Variants in PIEZO2 observed in about 807,000 individuals in gnomAD.
PIEZO2 encodes piezo-type mechanosensitive ion channel component 2.
A neutral mutation model predicts 337.3 loss-of-function variants in PIEZO2; 172 were observed. That is an observed-to-expected ratio of 0.51 (90% CI 0.45 to 0.58). The LOEUF (loss-of-function observed/expected upper bound fraction) is 0.58, where lower values mean the gene tolerates loss of function less well. Among genes scored for constraint, PIEZO2 ranks in the 20% least tolerant of loss-of-function variants. The pLI is 0.00. For synonymous variants in PIEZO2, 1,251 were observed against 1,228.5 expected, an observed-to-expected ratio of 1.02 and a Z score of -0.38; for missense variants, 3,028 against 3,391.3, an observed-to-expected ratio of 0.89 and a Z score of 2.66.
At chr18:10,927,913 G>T (rs958157092) in intron 3 of PIEZO2, among the ~76,000 whole-genome samples, 2 of 151,936 alleles carry the variant, frequency 1.3e-5, no homozygotes, top group Non-Finnish European at 2.9e-5. Context: ...CATTTTTAGG[G>T]GAATAAAATG....
At position 11,097,396 on chromosome 18, in the gene PIEZO2, C is replaced by T. The variant is rs201477379; in HGVS notation, c.65-31174G>A. ...GCAACAGAGCCGGCGTGCTGTGCAA[C>T]GCCTGACTCATTAACTGCCCGGCCC... On this transcript the variant is annotated intron_variant, in intron 1 of 55. Coordinates refer to ENST00000674853, the MANE Select transcript of PIEZO2 (RefSeq NM_001378183.1). The surrounding 1 kb of genome is among the most constrained non-coding windows in gnomAD (Gnocchi z 5.0). Among the ~76,000 whole-genome samples the T allele has an allele frequency of 9.2e-5, 14 of 152,308 alleles. No individual in the cohort carries two copies. In the East Asian group the frequency reaches 1.5e-3, roughly 17 times the overall value.
At chr18:10,852,979 A>C (rs1292386433) in intron 7 of PIEZO2, among the ~76,000 whole-genome samples, 2 of 152,328 alleles carry the variant, frequency 1.3e-5, no homozygotes, top group East Asian at 1.9e-4. Context: ...CAGAAAAAAA[A>C]CAAAACTGGT....
At position 10,871,562 on chromosome 18, in the gene PIEZO2, T is replaced by C. The variant is rs895860989; in HGVS notation, c.330-147A>G. ...CTAAAAGGTACAAGAAAGCTTTTTA[T>C]TGACCTCAGTGTCTCACAAAATCTA... On this transcript the variant is annotated intron_variant, in intron 4 of 55. Transcript: ENST00000674853. 2.0e-5 allele frequency: 14 copies of C among 694,818 alleles called. No homozygotes were observed. The African/African-American group carries it at 2.6e-4, about 13-fold the overall frequency. 43.0% of individuals were successfully genotyped at this position (694,818 alleles called of 1,614,324 possible).
chr18:10,804,903 C>G (rs1223279321), intron 8 of PIEZO2, among the ~76,000 whole-genome samples: 3 of 152,164 alleles, frequency 2.0e-5, no homozygotes, highest in African/African-American at 7.2e-5. Context: ...GAAATAGAGC[C>G]CACATGAAAT....
At chr18:10,801,642 T>C (rs1264436206) in intron 9 of PIEZO2, among the ~76,000 whole-genome samples, 2 of 126,820 alleles carry the variant, frequency 1.6e-5, no homozygotes, top group Non-Finnish European at 3.3e-5. Flanking sequence ...ATGTTAATGT[T>C]TAGTTATACA....
At chr18:11,024,470 C>A (rs1486480686) in intron 2 of PIEZO2, among the ~76,000 whole-genome samples, 1 of 147,368 alleles carries the variant, frequency 6.8e-6, no homozygotes, top group Non-Finnish European at 1.5e-5. Flanking sequence ...GGTGTGAACC[C>A]GGGAGGCGGA....
chr18:11,089,963 AG>A (rs946526229), intron 1 of PIEZO2, among the ~76,000 whole-genome samples: 24 of 152,326 alleles, frequency 1.6e-4, no homozygotes, highest in Admixed American at 1.2e-3. Flanking sequence ...CTTACAGAGA[AG>A]GGAAGAGCAT....
In PIEZO2 at chr18:11,116,291, G is replaced by A. The variant is rs2039885071; in HGVS notation, c.64+32234C>T. On this transcript the variant is annotated intron_variant, in intron 1 of 55. Coordinates refer to ENST00000674853, the MANE Select transcript of PIEZO2 (RefSeq NM_001378183.1). This position sits in a 1 kb window ranked among gnomAD's most constrained non-coding sequence, Gnocchi z 5.0. ...TAGGAGTTTGGGGATCCCAGGAAGGGCAGAGTTTCTCTGAGCCCCAAAACC... is the reference window on the plus strand; with the variant it reads ...TAGGAGTTTGGGGATCCCAGGAAGGACAGAGTTTCTCTGAGCCCCAAAACC... Among the ~76,000 whole-genome samples the A allele has an allele frequency of 6.6e-6, 1 of 152,170 alleles. No individual in the cohort carries two copies. Among genetic ancestry groups the A allele is most frequent in the African/African-American group, 2.4e-5 (1 of 41,430 alleles).
chr18:11,012,070 C>T (rs576990288), intron 2 of PIEZO2, among the ~76,000 whole-genome samples: 34 of 142,712 alleles, frequency 2.4e-4, no homozygotes, highest in African/African-American at 8.0e-4. Flanking sequence ...TTTGCAAAAG[C>T]GAAAAAAAAA....
At chr18:10,921,711 G>T (rs2031419691) in intron 3 of PIEZO2, among the ~76,000 whole-genome samples, 1 of 152,148 alleles carries the variant, frequency 6.6e-6, no homozygotes, top group Non-Finnish European at 1.5e-5. Context: ...GAGCCGGGCG[G>T]AAAAGAGCCA....
intron 3 of PIEZO2, among the ~76,000 whole-genome samples, chr18:10,941,044 G>A (rs751079664): frequency 6.6e-6 from 1 of 152,072 alleles, no homozygotes; most frequent in African/African-American, 2.4e-5. Flanking sequence ...TTACAACATT[G>A]ATTTGAAAAT....
Position 11,118,499 on chromosome 18 carries a change from G to A in PIEZO2, c.64+30026C>T, listed in dbSNP as rs910745433. 2.4e-4 allele frequency among the ~76,000 whole-genome samples: 36 copies of A among 152,312 alleles called. 1 individual carries two copies. The highest frequency in any genetic ancestry group is 8.4e-4 in the African/African-American group (35 of 41,570). On this transcript the variant is annotated intron_variant, in intron 1 of 55. Coordinates refer to ENST00000674853, the MANE Select transcript of PIEZO2 (RefSeq NM_001378183.1). ...AGAAAATAGTAAGGCAGGATCGATTGCATCTAACCTTTGGATCTCATTCAA... is the reference window on the plus strand; with the variant it reads ...AGAAAATAGTAAGGCAGGATCGATTACATCTAACCTTTGGATCTCATTCAA...
intron 7 of PIEZO2, among the ~76,000 whole-genome samples, chr18:10,841,438 C>T (rs2041190756): frequency 6.6e-6 from 1 of 152,028 alleles, no homozygotes; most frequent in African/African-American, 2.4e-5. Context: ...ATTTTGGAGG[C>T]AGCAAGACAG....
At position 10,735,214 on chromosome 18, in the gene PIEZO2, C is replaced by G. The variant is rs1490468715; in HGVS notation, c.4914+18G>C. On this transcript the variant is annotated intron_variant, in intron 35 of 55. Transcript: ENST00000674853. ...GAGCAGAGAGTCACACACTACACAT[C>G]AGTAAAACATCAAATACCTTTGCAG... 6.6e-6 allele frequency among the ~76,000 whole-genome samples: 1 copy of G among 152,128 alleles called. No homozygotes were observed. The highest frequency in any genetic ancestry group is 1.5e-5 in the Non-Finnish European group (1 of 68,038).
intron 4 of PIEZO2, among the ~76,000 whole-genome samples, chr18:10,906,062 A>G (rs1299852677): frequency 6.6e-6 from 1 of 152,204 alleles, no homozygotes; most frequent in East Asian, 1.9e-4. Flanking sequence ...TTGCTGACAG[A>G]CAGAGCTATG....
chr18:10,886,319 C>CAT (rs1366667653), intron 4 of PIEZO2, among the ~76,000 whole-genome samples: 1,068 of 32,798 alleles, frequency 0.033, 47 homozygotes, highest in South Asian at 0.053. Flanking sequence ...AAACCCTATA[C>CAT]ATACATATAT....
chr18:11,025,979 C>T lies in PIEZO2; in HGVS notation c.160+40148G>A, dbSNP rs759750304. 2.0e-5 allele frequency among the ~76,000 whole-genome samples: 3 copies of T among 152,158 alleles called. No homozygotes were observed. The South Asian group carries it at 6.2e-4, about 32-fold the overall frequency. On this transcript the variant is annotated intron_variant, in intron 2 of 55. Transcript: ENST00000674853. ...AATCCTCAGACTCAGCCTCCTGATC[C>T]TCAGGAGTCCCTTCTGAAGTCCCCT...
chr18:10,996,160 G>A (rs2037691008), intron 2 of PIEZO2, among the ~76,000 whole-genome samples: 1 of 152,112 alleles, frequency 6.6e-6, no homozygotes, highest in Admixed American at 6.5e-5. Flanking sequence ...ATAAGAAAAG[G>A]AGAAATATCT....
chr18:10,802,832 C>T (rs989328300), intron 9 of PIEZO2, among the ~76,000 whole-genome samples: 1 of 151,976 alleles, frequency 6.6e-6, no homozygotes, highest in Admixed American at 6.6e-5. Context: ...ATTAGCCAGG[C>T]GTGGTGGCAC....
Sources: gnomAD v4.1 joint callset for allele counts (sites outside exome capture counted in the v4.1 genomes callset) on GRCh38, gnomAD v4.1.1 for gene constraint, Gnocchi (gnomAD v3.1) non-coding constraint, MANE v1.5 for transcripts, NCBI Gene and HGNC (gene_info 2026-07-23, HGNC 2026-07-21) for gene names.